CDKAL1: variants seen among roughly 807,000 people sequenced by gnomAD.
CDKAL1 encodes the protein CDKAL1 threonylcarbamoyladenosine tRNA methylthiotransferase.
Under a neutral mutation model 68.2 loss-of-function variants are expected in CDKAL1, and 32 were observed. That is an observed-to-expected ratio of 0.47 (90% CI 0.35 to 0.63). The LOEUF (loss-of-function observed/expected upper bound fraction) is 0.63, where lower values mean the gene tolerates loss of function less well. CDKAL1 is among the 30% of genes least tolerant of loss of function. The pLI is 0.00. For missense variants in CDKAL1, 606 were observed against 696.7 expected, an observed-to-expected ratio of 0.87 and a Z score of 1.47; for synonymous variants, 234 against 244.3, an observed-to-expected ratio of 0.96 and a Z score of 0.39.
rs147035267 is a variant in CDKAL1, at chr6:20,839,062, A to G, written c.639-7013A>G. Among the ~76,000 whole-genome samples the G allele has an allele frequency of 2.4e-3, 363 of 151,908 alleles. 2 individuals carry two copies. The highest frequency in any genetic ancestry group is 8.1e-3 in the African/African-American group (338 of 41,492). On this transcript the variant is annotated intron_variant, in intron 8 of 15. Transcript: ENST00000274695. ...CATATTGTGTGTCAATTGACATATTAGCTGATTCAAACCAATATTCAGTTA... is the reference window on the plus strand; with the variant it reads ...CATATTGTGTGTCAATTGACATATTGGCTGATTCAAACCAATATTCAGTTA...
chr6:21,152,466 A>G (rs79806130), intron 13 of CDKAL1, among the ~76,000 whole-genome samples: 3,000 of 152,296 alleles, frequency 0.02, 92 homozygotes, highest in African/African-American at 0.066. Flanking sequence ...GCAGCTCACA[A>G]CTGCCACACC....
Position 21,136,761 on chromosome 6 carries a change from T to C in CDKAL1, c.1299+28298T>C, listed in dbSNP as rs954218750. On this transcript the variant is annotated intron_variant, in intron 13 of 15. Coordinates refer to ENST00000274695, the MANE Select transcript of CDKAL1 (RefSeq NM_017774.3). ...AACACGATGGTCCCAAGGTACCTTT[T>C]TGAGTTTCATATTTGCCTTAAATTG... Among the ~76,000 whole-genome samples, 6 of 152,342 alleles carry C rather than the reference T, an allele frequency of 3.9e-5. No individual in the cohort carries two copies. In the East Asian group the frequency reaches 5.8e-4, roughly 15 times the overall value.
chr6:20,830,597 A>G (rs34799469), intron 8 of CDKAL1, among the ~76,000 whole-genome samples: 61,526 of 151,948 alleles, frequency 0.4, 12,750 homozygotes, highest in Non-Finnish European at 0.44. Context: ...ATCTCCCCCA[A>G]TAGCATGGGT....
chr6:20,758,726 G>C (rs568156016), intron 7 of CDKAL1, 83 bp downstream of exon 7: 1 of 950,982 alleles, frequency 1.1e-6, no homozygotes, highest in East Asian at 2.6e-5. Flanking sequence ...CTCTTGCCAG[G>C]CACCTTTATA....
intron 9 of CDKAL1, among the ~76,000 whole-genome samples, chr6:20,876,516 A>T (rs538442534): frequency 2.0e-5 from 3 of 152,288 alleles, no homozygotes; most frequent in African/African-American, 7.2e-5. Flanking sequence ...CATTGATGGG[A>T]TTAATGCTTC....
chr6:20,830,943 A>AT (rs1411378591), intron 8 of CDKAL1, among the ~76,000 whole-genome samples: 96 of 149,048 alleles, frequency 6.4e-4, no homozygotes, highest in Non-Finnish European at 6.6e-4. Context: ...TCCAACTTTG[A>AT]TTTTTTTTTT....
chr6:21,009,546 G>A (rs931385794), intron 11 of CDKAL1, among the ~76,000 whole-genome samples: 1 of 152,282 alleles, frequency 6.6e-6, no homozygotes, highest in East Asian at 1.9e-4. Flanking sequence ...AGAGATACCT[G>A]TTCCCCCATG....
chr6:20,764,793 G>T (rs74356607), intron 7 of CDKAL1, among the ~76,000 whole-genome samples: 1,682 of 152,146 alleles, frequency 0.011, 27 homozygotes, highest in African/African-American at 0.038. Flanking sequence ...TTCAATAGTT[G>T]CATTTCAATA....
At chr6:21,229,656 C>T (rs1431618471) in intron 15 of CDKAL1, among the ~76,000 whole-genome samples, 1 of 152,192 alleles carries the variant, frequency 6.6e-6, no homozygotes, top group Non-Finnish European at 1.5e-5. Context: ...GCTGCCCCTC[C>T]GCCCTAGCAT....
intron 9 of CDKAL1, among the ~76,000 whole-genome samples, chr6:20,880,041 CTT>C (rs1760730823): frequency 6.6e-6 from 1 of 152,122 alleles, no homozygotes; most frequent in Non-Finnish European, 1.5e-5. Context: ...GATTTAAAAA[CTT>C]TTTATGAACA....
At chr6:21,044,428 G>C (rs1486781772) in intron 11 of CDKAL1, among the ~76,000 whole-genome samples, 1 of 152,134 alleles carries the variant, frequency 6.6e-6, no homozygotes, top group African/African-American at 2.4e-5. Flanking sequence ...TCTGATACCT[G>C]GCTGGCTGAT....
At chr6:21,001,220 T>C (rs1767409603) in intron 11 of CDKAL1, among the ~76,000 whole-genome samples, 1 of 152,244 alleles carries the variant, frequency 6.6e-6, no homozygotes, top group African/African-American at 2.4e-5. Flanking sequence ...TTTTTCTTAA[T>C]TAAGATACAA....
At chr6:21,187,421 T>C (rs1778059106) in intron 13 of CDKAL1, among the ~76,000 whole-genome samples, 3 of 152,242 alleles carry the variant, frequency 2.0e-5, no homozygotes, top group Admixed American at 2.0e-4. Context: ...AATTCTCATT[T>C]AGAAGTTGGG....
rs114230026 is a variant in CDKAL1 at position 20,748,084 on chromosome 6, A to G, written c.468+8469A>G. Among the ~76,000 whole-genome samples, 1,202 of 152,358 alleles carry G rather than the reference A, an allele frequency of 7.9e-3. 13 individuals are homozygous for G. Among genetic ancestry groups the G allele is most frequent in the African/African-American group, 0.028 (1,149 of 41,584 alleles). ...AATTCCAATGACATTGTTTGCAAAT[A>G]TAGAAAAACAGTTCTAAAATTTGTG... On this transcript the variant is annotated intron_variant, in intron 6 of 15. Transcript: ENST00000274695.
At chr6:21,087,992 G>A (rs1772793074) in intron 12 of CDKAL1, among the ~76,000 whole-genome samples, 3 of 152,046 alleles carry the variant, frequency 2.0e-5, no homozygotes, top group African/African-American at 7.2e-5. Flanking sequence ...ACAGGGCCAT[G>A]GGTTGTTTAG....
intron 4 of CDKAL1, among the ~76,000 whole-genome samples, chr6:20,551,074 C>T (rs1291251432): frequency 6.6e-6 from 1 of 151,740 alleles, no homozygotes; most frequent in Admixed American, 6.6e-5. Context: ...ACCGTGTTAG[C>T]CAGGATGGTC....
At chr6:21,036,954 G>A (rs536033518) in intron 11 of CDKAL1, among the ~76,000 whole-genome samples, 4 of 152,190 alleles carry the variant, frequency 2.6e-5, no homozygotes, top group Non-Finnish European at 4.4e-5. Flanking sequence ...GAAAGGTAGC[G>A]AGAGGAGATT....
chr6:21,079,978 G>C (rs113832792), intron 12 of CDKAL1, among the ~76,000 whole-genome samples: 136 of 145,550 alleles, frequency 9.3e-4, no homozygotes, highest in African/African-American at 2.8e-3. Context: ...CTTTGTCTCT[G>C]TGTGTGTGTG....
intron 4 of CDKAL1, among the ~76,000 whole-genome samples, chr6:20,596,050 C>T (rs975278540): frequency 2.0e-5 from 3 of 152,168 alleles, no homozygotes; most frequent in Admixed American, 1.3e-4. Context: ...CTGGAAACTT[C>T]GTCTGCCAGA....
Sources: gnomAD v4.1 joint callset for allele counts (sites outside exome capture counted in the v4.1 genomes callset) on GRCh38, gnomAD v4.1.1 for gene constraint, MANE v1.5 for transcripts, NCBI Gene and HGNC (gene_info 2026-07-23, HGNC 2026-07-21) for gene names.